DGKB: variants seen among roughly 807,000 people sequenced by gnomAD.
DGKB encodes the protein diacylglycerol kinase beta.
In DGKB, 67 loss-of-function variants were observed where a neutral mutation model predicts 114.3. The observed-to-expected ratio is 0.59, with a 90% CI of 0.48 to 0.72. DGKB has a LOEUF of 0.72. DGKB is among the 30% of genes least tolerant of loss of function. DGKB has a pLI of 0.00. For missense variants in DGKB, 907 were observed against 975.2 expected, an observed-to-expected ratio of 0.93 and a Z score of 0.93; for synonymous variants, 398 against 323.1, an observed-to-expected ratio of 1.23 and a Z score of -2.49.
At chr7:14,584,607 A>G (rs1172024472) in intron 17 of DGKB, among the ~76,000 whole-genome samples, 2 of 152,132 alleles carry the variant, frequency 1.3e-5, no homozygotes, top group African/African-American at 4.8e-5. Context: ...TCCTATGAAA[A>G]GAACACTCAA....
intron 21 of DGKB, among the ~76,000 whole-genome samples, chr7:14,373,000 G>A (rs914963595): frequency 9.9e-5 from 15 of 152,132 alleles, no homozygotes; most frequent in Non-Finnish European, 2.1e-4. Flanking sequence ...ACAACTCTAC[G>A]TTTGATCCAT....
intron 1 of DGKB, among the ~76,000 whole-genome samples, chr7:14,959,281 T>G (rs1786700021): frequency 6.6e-6 from 1 of 152,054 alleles, no homozygotes; most frequent in East Asian, 1.9e-4. Flanking sequence ...CATTTGCTAA[T>G]GGGTTATAGC....
chr7:14,615,543 T>A (rs1399970019), intron 15 of DGKB, among the ~76,000 whole-genome samples: 1 of 151,868 alleles, frequency 6.6e-6, no homozygotes, highest in Non-Finnish European at 1.5e-5. Context: ...AATCTTGATG[T>A]AATTTTTAGG....
intron 23 of DGKB, among the ~76,000 whole-genome samples, chr7:14,283,583 T>G (rs1399522205): frequency 1.4e-5 from 2 of 147,756 alleles, no homozygotes; most frequent in African/African-American, 5.3e-5. Context: ...AGAACAAAGC[T>G]GGAGGCATCA....
chr7:14,219,147 A>G (rs796538784), intron 23 of DGKB, among the ~76,000 whole-genome samples: 3 of 152,036 alleles, frequency 2.0e-5, no homozygotes, highest in Admixed American at 6.6e-5. Context: ...TGAATATACC[A>G]TATTTTCTTT....
intron 4 of DGKB, among the ~76,000 whole-genome samples, chr7:14,739,556 T>A (rs1345185121): frequency 1.3e-5 from 2 of 152,170 alleles, no homozygotes; most frequent in Non-Finnish European, 2.9e-5. Context: ...CATGTTTAAT[T>A]TTTCCTGATC....
At chr7:14,803,653 T>C (rs954598122) in intron 2 of DGKB, among the ~76,000 whole-genome samples, 17 of 133,994 alleles carry the variant, frequency 1.3e-4, no homozygotes, top group African/African-American at 5.4e-4. Flanking sequence ...ATGTAATTTA[T>C]TTCTGCCACC....
intron 21 of DGKB, among the ~76,000 whole-genome samples, chr7:14,423,636 G>T (rs1827067688): frequency 6.6e-6 from 1 of 152,072 alleles, no homozygotes; most frequent in African/African-American, 2.4e-5. Context: ...ATGCAAAAGT[G>T]ATTCAGTATA....
intron 1 of DGKB, among the ~76,000 whole-genome samples, chr7:14,885,843 A>G (rs78716712): frequency 6.6e-6 from 1 of 151,946 alleles, no homozygotes; most frequent in Non-Finnish European, 1.5e-5. Context: ...GATTTAAACC[A>G]AGTAGTTCTT....
intron 1 of DGKB, among the ~76,000 whole-genome samples, chr7:14,910,222 C>A (rs979538619): frequency 1.4e-5 from 2 of 147,192 alleles, no homozygotes; most frequent in Non-Finnish European, 3.0e-5. Context: ...GCCTAGGTGA[C>A]AGAGCGAGAC....
chr7:14,402,820 C>T (rs2060159), intron 21 of DGKB, among the ~76,000 whole-genome samples: 136,287 of 151,790 alleles, frequency 0.9, 62,490 homozygotes, highest in Non-Finnish European at 1. Context: ...CTAACATAGG[C>T]GGGCCTTCAT....
intron 25 of DGKB, among the ~76,000 whole-genome samples, chr7:14,166,663 T>C (rs1251809018): frequency 6.6e-6 from 1 of 152,154 alleles, no homozygotes; most frequent in Non-Finnish European, 1.5e-5. Context: ...TATCTGAAGT[T>C]GCTGAAAAGA....
chr7:14,272,705 TA>T (rs1326965149), intron 23 of DGKB, among the ~76,000 whole-genome samples: 1 of 152,082 alleles, frequency 6.6e-6, no homozygotes, highest in Non-Finnish European at 1.5e-5. Flanking sequence ...GAGACATACA[TA>T]AAAAAGTGAA....
intron 21 of DGKB, among the ~76,000 whole-genome samples, chr7:14,447,111 G>A (rs1414185237): frequency 1.3e-5 from 2 of 152,126 alleles, no homozygotes; most frequent in Non-Finnish European, 2.9e-5. Flanking sequence ...CCAAGGTGGA[G>A]TCACTATGGC....
intron 17 of DGKB, among the ~76,000 whole-genome samples, chr7:14,606,754 G>T (rs1804584060): frequency 6.6e-6 from 1 of 151,822 alleles, no homozygotes; most frequent in African/African-American, 2.4e-5. Context: ...GATTTGTTTA[G>T]GTGCATATCA....
At chr7:14,795,884 C>G (rs906966481) in intron 2 of DGKB, among the ~76,000 whole-genome samples, 11 of 152,130 alleles carry the variant, frequency 7.2e-5, no homozygotes, top group Non-Finnish European at 1.5e-4. Flanking sequence ...TTATGAAAAA[C>G]TATGCATGAA....
intron 23 of DGKB, among the ~76,000 whole-genome samples, chr7:14,189,007 A>G (rs547867222): frequency 1.3e-5 from 2 of 152,238 alleles, no homozygotes; most frequent in Non-Finnish European, 2.9e-5. Context: ...ATTCATTACC[A>G]TAAAGTTGGT....
At chr7:14,573,762 G>A (rs1798718937) in intron 20 of DGKB, among the ~76,000 whole-genome samples, 1 of 134,686 alleles carries the variant, frequency 7.4e-6, no homozygotes, top group Non-Finnish European at 1.7e-5. Context: ...GAGAATAGTA[G>A]CAGGATTTTT....
intron 21 of DGKB, among the ~76,000 whole-genome samples, chr7:14,467,773 GA>G (rs1780687353): frequency 6.6e-6 from 1 of 152,062 alleles, no homozygotes; most frequent in Admixed American, 6.6e-5. Context: ...TATTCCAAAA[GA>G]AATGCATGAG....
Sources: gnomAD v4.1 joint callset for allele counts (sites outside exome capture counted in the v4.1 genomes callset) on GRCh38, gnomAD v4.1.1 for gene constraint, MANE v1.5 for transcripts, NCBI Gene and HGNC (gene_info 2026-07-23, HGNC 2026-07-21) for gene names.